ENOX1: variants seen among roughly 807,000 people sequenced by gnomAD.
The protein encoded by ENOX1 is candidate growth-related and time keeping constitutive hydroquinone (NADH) oxidase.
Under a neutral mutation model 82.5 loss-of-function variants are expected in ENOX1, and 42 were observed. That is an observed-to-expected ratio of 0.51 (90% CI 0.40 to 0.66). ENOX1 has a LOEUF of 0.66. Ranked by LOEUF, ENOX1 falls within the 30% of genes least tolerant of loss-of-function variation. The pLI is 0.00. For missense variants in ENOX1, 608 were observed against 811.6 expected (o/e 0.75, Z 3.05); for synonymous variants, 271 against 282.2 (o/e 0.96, Z 0.40).
chr13:43,703,850 C>T (rs1020942654), intron 1 of ENOX1, among the ~76,000 whole-genome samples: 1 of 151,652 alleles, frequency 6.6e-6, no homozygotes, highest in African/African-American at 2.4e-5. Context: ...CATATATGTA[C>T]ATTATATATA....
At chr13:43,288,850 T>C (rs767941932) in intron 12 of ENOX1, among the ~76,000 whole-genome samples, 3 of 152,324 alleles carry the variant, frequency 2.0e-5, no homozygotes, top group South Asian at 2.1e-4. Flanking sequence ...TCTTTCATAA[T>C]GGCTCTTAAA....
intron 11 of ENOX1, among the ~76,000 whole-genome samples, chr13:43,316,471 G>C (rs17632230): frequency 0.11 from 16,555 of 152,112 alleles, 1,011 homozygotes; most frequent in Non-Finnish European, 0.13. Context: ...ATTATAAAGG[G>C]GCTAAGCTTA....
intron 1 of ENOX1, among the ~76,000 whole-genome samples, chr13:43,688,341 T>C (rs578033813): frequency 2.0e-5 from 3 of 152,296 alleles, no homozygotes; most frequent in South Asian, 4.1e-4. Context: ...CAGATGAAGA[T>C]GGTAATGGTG....
intron 2 of ENOX1, among the ~76,000 whole-genome samples, chr13:43,523,625 T>C (rs2077866444): frequency 2.0e-5 from 3 of 152,164 alleles, no homozygotes; most frequent in Non-Finnish European, 4.4e-5. Context: ...CAATGTCTTC[T>C]GACAAAGGCA....
At chr13:43,335,413 T>C (rs2048641126) in intron 9 of ENOX1, among the ~76,000 whole-genome samples, 1 of 152,198 alleles carries the variant, frequency 6.6e-6, no homozygotes, top group Non-Finnish European at 1.5e-5. Flanking sequence ...TTAAAAAATC[T>C]TTGTAAAAAT....
chr13:43,319,991 G>A (rs752943289), intron 11 of ENOX1, among the ~76,000 whole-genome samples: 1 of 152,144 alleles, frequency 6.6e-6, no homozygotes, highest in Non-Finnish European at 1.5e-5. Context: ...TGTTTCCCTC[G>A]GGCTATGGCC....
At chr13:43,316,530 G>T (rs1416567449) in intron 11 of ENOX1, among the ~76,000 whole-genome samples, 2 of 152,078 alleles carry the variant, frequency 1.3e-5, no homozygotes, top group African/African-American at 4.8e-5. Context: ...ACACAGTCTG[G>T]TTGGGCAGAA....
chr13:43,266,534 G>A (rs1416707192), intron 13 of ENOX1, among the ~76,000 whole-genome samples: 3 of 152,094 alleles, frequency 2.0e-5, no homozygotes, highest in Non-Finnish European at 4.4e-5. Context: ...ATGGACCAAA[G>A]GCTCTTTGGC....
At chr13:43,745,951 TGTGA>T (rs1289100296) in intron 1 of ENOX1, among the ~76,000 whole-genome samples, 5 of 152,196 alleles carry the variant, frequency 3.3e-5, no homozygotes, top group African/African-American at 1.2e-4. Flanking sequence ...CACACTGAAC[TGTGA>T]GTCTTTCCTT....
At chr13:43,362,772 T>C (rs1180255265) in intron 5 of ENOX1, among the ~76,000 whole-genome samples, 1 of 152,242 alleles carries the variant, frequency 6.6e-6, no homozygotes. Flanking sequence ...TTCCGCCAGC[T>C]ACTTTGGACA....
chr13:43,766,730 G>T (rs1392348454), intron 1 of ENOX1, among the ~76,000 whole-genome samples: 1 of 152,170 alleles, frequency 6.6e-6, no homozygotes, highest in African/African-American at 2.4e-5. Context: ...TGTAGACACA[G>T]ACAAGGTCAA....
chr13:43,446,136 A>G (rs1243398630), intron 3 of ENOX1, among the ~76,000 whole-genome samples: 1 of 151,798 alleles, frequency 6.6e-6, no homozygotes, highest in Non-Finnish European at 1.5e-5. Flanking sequence ...ACAAATGATC[A>G]TCTTCCTTCT....
At chr13:43,303,212 G>A (rs1402845235) in intron 11 of ENOX1, among the ~76,000 whole-genome samples, 3 of 152,216 alleles carry the variant, frequency 2.0e-5, no homozygotes, top group Non-Finnish European at 4.4e-5. Flanking sequence ...GCAGAGGCAG[G>A]CTGGCCTGGC....
At chr13:43,588,220 T>A (rs1049597881) in intron 2 of ENOX1, among the ~76,000 whole-genome samples, 4 of 152,184 alleles carry the variant, frequency 2.6e-5, no homozygotes, top group Non-Finnish European at 5.9e-5. Flanking sequence ...CATCTAAAAT[T>A]TTTTGACATA....
intron 2 of ENOX1, among the ~76,000 whole-genome samples, chr13:43,645,635 G>T (rs1191286024): frequency 1.3e-5 from 2 of 152,170 alleles, no homozygotes; most frequent in African/African-American, 4.8e-5. Flanking sequence ...TTCATTGGAA[G>T]TTCTGAACTC....
chr13:43,375,708 C>A (rs1289732210), intron 5 of ENOX1, among the ~76,000 whole-genome samples: 3 of 152,166 alleles, frequency 2.0e-5, no homozygotes, highest in Non-Finnish European at 4.4e-5. Context: ...ATCCCCAAAG[C>A]CAAGCACAGA....
At chr13:43,715,601 C>A (rs1204536746) in intron 1 of ENOX1, among the ~76,000 whole-genome samples, 1 of 152,154 alleles carries the variant, frequency 6.6e-6, no homozygotes. Flanking sequence ...CTTTCAGGTA[C>A]ACCAATCAGA....
chr13:43,446,592 G>T (rs966166971), intron 3 of ENOX1, among the ~76,000 whole-genome samples: 19 of 152,084 alleles, frequency 1.2e-4, no homozygotes, highest in African/African-American at 4.3e-4. Context: ...ACCTCTCTAT[G>T]CCCTCCATGG....
chr13:43,777,104 T>C (rs1177588151), intron 1 of ENOX1, among the ~76,000 whole-genome samples: 2 of 152,230 alleles, frequency 1.3e-5, no homozygotes. Context: ...CTTGTTGCCA[T>C]ACAATGGTCA....
Sources: gnomAD v4.1 joint callset for allele counts (sites outside exome capture counted in the v4.1 genomes callset) on GRCh38, gnomAD v4.1.1 for gene constraint, MANE v1.5 for transcripts, NCBI Gene and HGNC (gene_info 2026-07-23, HGNC 2026-07-21) for gene names.